Variants in NUP214 observed in about 807,000 individuals in gnomAD.
NUP214 encodes nuclear pore complex protein Nup214.
NUP214 carries 79 observed loss-of-function variants against 196.2 expected under a neutral mutation model. That is an observed-to-expected ratio of 0.40 (90% CI 0.34 to 0.49). The LOEUF is 0.49. Among genes scored for constraint, NUP214 ranks in the 20% least tolerant of loss-of-function variants. The pLI is 0.58. For missense variants in NUP214, 2,468 were observed against 2,539.0 expected (o/e 0.97, Z 0.60); for synonymous variants, 1,020 against 990.5 (o/e 1.03, Z -0.56).
intron 22 of NUP214, 36 bp downstream of exon 22, chr9:131,174,354 T>C: frequency 1.9e-6 from 3 of 1,591,786 alleles, no homozygotes; most frequent in Non-Finnish European, 2.6e-6. Flanking sequence ...TGTTTTTCCC[T>C]ATGATGTTTC....
Position 131,198,001 on chromosome 9 carries a change from G to C in NUP214, c.4507G>C (p.Glu1503Gln). The C allele has an allele frequency of 6.2e-7, 1 of 1,614,202 alleles. No individual in the cohort carries two copies. Among genetic ancestry groups the C allele is most frequent in the Non-Finnish European group, 8.5e-7 (1 of 1,180,032 alleles). Residue 1503 changes from glutamate (E) to glutamine (Q), a missense_variant, in exon 29 of 36, where the codon GAG becomes CAG. Transcript: ENST00000359428. ...TEEATSSALP[E>Q]KPGDSEVSAS... ...AGAGGCCACTTCATCAGCTTTGCCTGAGAAGCCAGGTGACAGTGAGGTCTC... is the reference window on the plus strand; with the variant it reads ...AGAGGCCACTTCATCAGCTTTGCCTCAGAAGCCAGGTGACAGTGAGGTCTC...
chr9:131,228,173 T>C lies in NUP214; in HGVS notation c.5916T>C (p.Ala1972=), dbSNP rs757559073. Residue 1972 remains alanine, a synonymous_variant, in exon 33 of 36, where the codon GCT becomes GCC. Transcript: ENST00000359428. ...SSPNKTGGFG[A]APVFGSPPTF... Reference sequence around the variant, plus strand: ...TGTTTTGCTCAGGTGGCTTCGGTGCTGCTCCAGTGTTTGGCAGCCCTCCTA... The same window carrying C: ...TGTTTTGCTCAGGTGGCTTCGGTGCCGCTCCAGTGTTTGGCAGCCCTCCTA... 3.5e-5 allele frequency: 56 copies of C among 1,591,526 alleles called. No individual in the cohort carries two copies. Among genetic ancestry groups the C allele is most frequent in the Non-Finnish European group, 6.0e-6 (7 of 1,171,820 alleles).
At chr9:131,201,495 G>A in intron 29 of NUP214, 152 bp from the exon 30 acceptor site, 3 of 577,796 alleles carry the variant, frequency 5.2e-6, no homozygotes, top group Non-Finnish European at 6.2e-6. Flanking sequence ...AACCTGGGAG[G>A]CAGAGGTTGC....
At chr9:131,193,629 C>CTTTTTGTTTTTTTTTTTTTT (rs1833678596) in intron 27 of NUP214, among the ~76,000 whole-genome samples, 1 of 28,218 alleles carries the variant, frequency 3.5e-5, no homozygotes, top group Non-Finnish European at 6.5e-5. Context: ...TCTTCCTTTT[C>CTTTTTGTTTTTTTTTTTTTT]TTTTTTTTTT....
At chr9:131,220,292 CTA>C (rs776729641) in intron 31 of NUP214, among the ~76,000 whole-genome samples, 2 of 152,126 alleles carry the variant, frequency 1.3e-5, no homozygotes, top group African/African-American at 4.8e-5. Context: ...AAACTAGAGA[CTA>C]TGTTATTTTG....
chr9:131,172,364 G>A (rs911966877), intron 21 of NUP214, among the ~76,000 whole-genome samples: 6 of 152,234 alleles, frequency 3.9e-5, no homozygotes, highest in Non-Finnish European at 8.8e-5. Flanking sequence ...TTTGAGAAGT[G>A]TCTGTTCATG....
In NUP214 at chr9:131,233,437, C is replaced by T; in HGVS notation, c.6240-17C>T. ...ACAGAGCAGCTGACTCCACCACTGTCCTGTGCTTCCTTGCAGGTCTGTCCA... is the reference window on the plus strand; with the variant it reads ...ACAGAGCAGCTGACTCCACCACTGTTCTGTGCTTCCTTGCAGGTCTGTCCA... On this transcript the variant is annotated splice_polypyrimidine_tract_variant and intron_variant, in intron 35 of 35. Coordinates refer to ENST00000359428, the MANE Select transcript of NUP214 (RefSeq NM_005085.4). The T allele has an allele frequency of 1.2e-6, 2 of 1,605,456 alleles. No individual in the cohort carries two copies. The highest frequency in any genetic ancestry group is 2.2e-5 in the East Asian group (1 of 44,760).
intron 34 of NUP214, among the ~76,000 whole-genome samples, chr9:131,231,912 C>CAAAAAA (rs900440054): frequency 4.6e-5 from 2 of 43,954 alleles, no homozygotes; most frequent in Non-Finnish European, 9.7e-5. Context: ...ACAACAACAG[C>CAAAAAA]AAAAAAAAAA....
intron 31 of NUP214, among the ~76,000 whole-genome samples, chr9:131,219,518 G>A (rs1369618535): frequency 1.3e-5 from 2 of 152,178 alleles, no homozygotes; most frequent in Non-Finnish European, 2.9e-5. Context: ...CTTGGAGTTG[G>A]CATGTTCTGT....
intron 24 of NUP214, among the ~76,000 whole-genome samples, chr9:131,184,310 G>A (rs556906061): frequency 2.9e-4 from 41 of 142,630 alleles, no homozygotes; most frequent in African/African-American, 8.6e-4. Flanking sequence ...GACTACACGC[G>A]TGAGACACTG....
At chr9:131,158,171 T>A (rs1832517742) in intron 17 of NUP214, among the ~76,000 whole-genome samples, 1 of 152,208 alleles carries the variant, frequency 6.6e-6, no homozygotes, top group Admixed American at 6.5e-5. Flanking sequence ...CTCCGCCTCC[T>A]GTGTTCAAGT....
intron 29 of NUP214, among the ~76,000 whole-genome samples, chr9:131,200,142 T>C (rs1361191309): frequency 6.6e-6 from 1 of 152,230 alleles, no homozygotes. Context: ...GGCATGGTCA[T>C]ACTATTTCAA....
chr9:131,186,964 CA>C (rs1379695576), intron 24 of NUP214: 5 of 220,380 alleles, frequency 2.3e-5, no homozygotes, highest in Non-Finnish European at 4.6e-5. Context: ...TGGTCTACAA[CA>C]GGGGGAAGGG....
chr9:131,151,700 A>C (rs914923012), intron 16 of NUP214, 36 bp from the exon 17 acceptor site: 1 of 1,560,722 alleles, frequency 6.4e-7, no homozygotes, highest in African/African-American at 1.4e-5. Context: ...GGACGTAACA[A>C]CTTTTTGTAC....
At chr9:131,214,419 T>C (rs1479336774) in intron 30 of NUP214, among the ~76,000 whole-genome samples, 2 of 152,216 alleles carry the variant, frequency 1.3e-5, no homozygotes, top group Admixed American at 6.5e-5. Context: ...AGAGGATCCA[T>C]AGCACCGCTC....
At chr9:131,152,274 T>C (rs533258150) in intron 17 of NUP214, among the ~76,000 whole-genome samples, 5 of 152,120 alleles carry the variant, frequency 3.3e-5, no homozygotes, top group African/African-American at 9.6e-5. Flanking sequence ...CCACCACACT[T>C]GGCTAATTTT....
intron 35 of NUP214, among the ~76,000 whole-genome samples, 164 bp from the exon 36 acceptor site, chr9:131,233,290 C>G (rs555201746): frequency 6.6e-6 from 1 of 152,208 alleles, no homozygotes; most frequent in South Asian, 2.1e-4. Context: ...GAGCTGAGAT[C>G]ACGCCACTGC....
chr9:131,174,452 T>TTC lies in NUP214; in HGVS notation c.3157+135_3157+136insCT. The stretch of plus-strand genomic sequence containing the variant: ...GCCCACTTTTTTTTTTTTTTCTTTT[T>TTC]TTCTTTTTTTTTTTGAGGTGGAGTC... On this transcript the variant is annotated intron_variant, in intron 22 of 35. Transcript: ENST00000359428. The TTC allele has an allele frequency of 1.1e-5, 6 of 534,514 alleles. No homozygotes were observed. In the East Asian group the frequency reaches 1.3e-4, roughly 12 times the overall value. The allele number at this position is 534,514 out of a possible 1,614,324, so 33.1% of individuals were successfully genotyped here.
Position 131,183,682 on chromosome 9 carries a change from C to G in NUP214, c.3420-3607C>G, listed in dbSNP as rs146679041. ...TCACTGATTTAAAGATGTTCCTCTA[C>G]TTTAAAAATAATAACTCTAGTAATG... On this transcript the variant is annotated intron_variant, in intron 24 of 35. Transcript: ENST00000359428. Among the ~76,000 whole-genome samples, 1,482 of 152,208 alleles carry G rather than the reference C, an allele frequency of 9.7e-3. 13 individuals carry two copies. Among genetic ancestry groups the G allele is most frequent in the African/African-American group, 0.034 (1,403 of 41,546 alleles).
Sources: allele counts gnomAD v4.1 joint callset (sites outside exome capture counted in the v4.1 genomes callset), GRCh38; gene constraint gnomAD v4.1.1; transcripts MANE v1.5; gene names NCBI Gene and HGNC (gene_info 2026-07-23, HGNC 2026-07-21).